Variants in POLQ observed in about 807,000 individuals in gnomAD.
POLQ encodes the protein epididymis secretory sperm binding protein.
In POLQ, 233 loss-of-function variants were observed where a neutral mutation model predicts 259.2. That is an observed-to-expected ratio of 0.90 (90% CI 0.81 to 1.00). POLQ has a LOEUF of 1.00. Ranked by LOEUF, POLQ falls within the 50% of genes least tolerant of loss-of-function variation. POLQ has a pLI of 0.00. For missense variants in POLQ, 2,871 were observed against 3,051.6 expected, an observed-to-expected ratio of 0.94 and a Z score of 1.39; for synonymous variants, 1,025 against 1,048.8, an observed-to-expected ratio of 0.98 and a Z score of 0.44.
intron 25 of POLQ, among the ~76,000 whole-genome samples, chr3:121,459,163 G>A (rs924536920): frequency 2.6e-5 from 4 of 152,160 alleles, no homozygotes; most frequent in African/African-American, 9.7e-5. Flanking sequence ...TACAAAGGCA[G>A]CATGAAGTTT....
chr3:121,511,831 A>C, intron 10 of POLQ, 56 bp downstream of exon 10: 1 of 1,320,284 alleles, frequency 7.6e-7, no homozygotes, highest in Non-Finnish European at 1.1e-6. Flanking sequence ...ATATACTAAC[A>C]TTTTACTAAT....
At chr3:121,445,305 T>G (rs1319682655) in intron 26 of POLQ, among the ~76,000 whole-genome samples, 1 of 152,172 alleles carries the variant, frequency 6.6e-6, no homozygotes, top group Non-Finnish European at 1.5e-5. Context: ...CTGTTCAGGT[T>G]TTTTTGTTCT....
rs775548536 is a variant in POLQ at position 121,433,069 on chromosome 3, G to A, written c.7544-36C>T. 1.0e-5 allele frequency: 11 copies of A among 1,090,890 alleles called. No homozygotes were observed. The South Asian group carries it at 1.1e-4, about 11-fold the overall frequency. 67.6% of individuals were successfully genotyped at this position (1,090,890 alleles called of 1,614,324 possible). On this transcript the variant is annotated intron_variant, in intron 28 of 29. Coordinates refer to ENST00000264233, the MANE Select transcript of POLQ (RefSeq NM_199420.4). Reference sequence around the variant, plus strand: ...AAAAAGGAGCAAAACTGATCAGCATGTCGCTAAGTCATAGGAGAATGTTTT... The same window carrying A: ...AAAAAGGAGCAAAACTGATCAGCATATCGCTAAGTCATAGGAGAATGTTTT...
intron 21 of POLQ, 120 bp downstream of exon 21, chr3:121,473,230 A>G: frequency 1.1e-6 from 1 of 904,322 alleles, no homozygotes; most frequent in Non-Finnish European, 1.6e-6. Context: ...GTGTTAATTT[A>G]TATCTGGGTA....
intron 25 of POLQ, among the ~76,000 whole-genome samples, chr3:121,453,232 C>A (rs2047696020): frequency 6.6e-6 from 1 of 152,216 alleles, no homozygotes; most frequent in South Asian, 2.1e-4. Context: ...CACCAAAAAC[C>A]CATCTGTACA....
intron 26 of POLQ, among the ~76,000 whole-genome samples, chr3:121,447,586 C>G (rs1034430510): frequency 6.6e-6 from 1 of 152,108 alleles, no homozygotes; most frequent in Non-Finnish European, 1.5e-5. Context: ...GTTTATATAT[C>G]ACAATTGCAA....
At chr3:121,511,226 C>CAAAA (rs34066876) in intron 10 of POLQ, among the ~76,000 whole-genome samples, 4 of 74,934 alleles carry the variant, frequency 5.3e-5, no homozygotes, top group Non-Finnish European at 7.2e-5. Context: ...ACTCCGTCTC[C>CAAAA]AAAAAAAAAA....
intron 7 of POLQ, among the ~76,000 whole-genome samples, chr3:121,522,988 CCT>C (rs1297768108): frequency 1.3e-5 from 2 of 152,030 alleles, no homozygotes; most frequent in East Asian, 3.9e-4. Context: ...TAAATAGTAC[CCT>C]CTGTTTTTTG....
Position 121,490,387 on chromosome 3 carries a change from C to T in POLQ, c.2544G>A (p.Glu848=). 6.2e-7 allele frequency: 1 copy of T among 1,614,164 alleles called. No individual in the cohort carries two copies. The highest frequency in any genetic ancestry group is 8.5e-7 in the Non-Finnish European group (1 of 1,179,984). Residue 848 remains glutamate, a synonymous_variant, in exon 16 of 30, where the codon GAG becomes GAA. Coordinates refer to ENST00000264233, the MANE Select transcript of POLQ (RefSeq NM_199420.4). ...PFKSARKAVD[E]EEEAVEERRN... ...GACGTTCTTCAACTGCTTCCTCTTC[C>T]TCATCCACTGCCTTCCGGGCACTAC...
intron 17 of POLQ, 73 bp downstream of exon 17, chr3:121,484,968 A>G: frequency 8.7e-7 from 1 of 1,146,576 alleles, no homozygotes; most frequent in Non-Finnish European, 1.2e-6. Context: ...AATTATTCTC[A>G]AAATATAAGA....
At chr3:121,469,529 C>T (rs2047866480) in intron 22 of POLQ, among the ~76,000 whole-genome samples, 1 of 152,180 alleles carries the variant, frequency 6.6e-6, no homozygotes, top group Non-Finnish European at 1.5e-5. Flanking sequence ...AATAAGTGCT[C>T]AGTTAATGAT....
chr3:121,535,631 G>A (rs1293971050), intron 5 of POLQ, among the ~76,000 whole-genome samples: 1 of 148,796 alleles, frequency 6.7e-6, no homozygotes. Context: ...CAGGAGAATC[G>A]CTTGAACCTG....
intron 21 of POLQ, 57 bp from the exon 22 acceptor site, chr3:121,472,221 G>T: frequency 1.2e-6 from 1 of 807,644 alleles, no homozygotes; most frequent in Non-Finnish European, 1.9e-6. Flanking sequence ...CAGCAAGCTA[G>T]AATCTCTTTT....
intron 24 of POLQ, among the ~76,000 whole-genome samples, chr3:121,463,118 T>C (rs1048461931): frequency 6.6e-6 from 1 of 152,178 alleles, no homozygotes; most frequent in Non-Finnish European, 1.5e-5. Context: ...TATGTCTCCA[T>C]CCAAACCTCA....
At chr3:121,485,733 AC>A (rs1161365250) in intron 16 of POLQ, among the ~76,000 whole-genome samples, 1 of 152,148 alleles carries the variant, frequency 6.6e-6, no homozygotes. Context: ...ATTTAGGTGA[AC>A]TTTTTTATCC....
Position 121,449,307 on chromosome 3 carries a change from T to C in POLQ, c.7264+8A>G, listed in dbSNP as rs767014906. 1 of 1,301,056 alleles carries C rather than the reference T, an allele frequency of 7.7e-7. No homozygotes were observed. The highest frequency in any genetic ancestry group is 1.1e-6 in the Non-Finnish European group (1 of 895,808). The allele number at this position is 1,301,056 out of a possible 1,614,324, so 80.6% of individuals were successfully genotyped here. A position where few individuals can be genotyped will look rare whatever the true frequency, so the allele number is the denominator to read the frequency against. ...GTTGAAAAGAATACTATCTAGAAGATAAATTACCTGTGTATCTGGATTTGA... is the reference window on the plus strand; with the variant it reads ...GTTGAAAAGAATACTATCTAGAAGACAAATTACCTGTGTATCTGGATTTGA... On this transcript the variant is annotated splice_region_variant and intron_variant, in intron 26 of 29. Coordinates refer to ENST00000264233, the MANE Select transcript of POLQ (RefSeq NM_199420.4).
Position 121,465,945 on chromosome 3 carries a change from C to G in POLQ, c.6967+1574G>C, listed in dbSNP as rs576224789. Among the ~76,000 whole-genome samples, 3 of 152,248 alleles carry G rather than the reference C, an allele frequency of 2.0e-5. No homozygotes were observed. In the South Asian group the frequency reaches 6.2e-4, roughly 32 times the overall value. On this transcript the variant is annotated intron_variant, in intron 24 of 29. Transcript: ENST00000264233. ...AACCAAAAAGCTAGAAACGATTAAG[C>G]TTATGAGGAAGGCATGTCAAAAGCT...
At chr3:121,508,454 A>T (rs1015433794) in intron 12 of POLQ, among the ~76,000 whole-genome samples, 1 of 152,236 alleles carries the variant, frequency 6.6e-6, no homozygotes, top group African/African-American at 2.4e-5. Context: ...GAATCGTAAG[A>T]GAGGTTAAAT....
intron 19 of POLQ, among the ~76,000 whole-genome samples, chr3:121,479,008 A>T (rs2047949572): frequency 6.6e-6 from 1 of 152,204 alleles, no homozygotes; most frequent in Non-Finnish European, 1.5e-5. Context: ...CATTTACACA[A>T]CAGCTCAGGT....
Sources: allele counts gnomAD v4.1 joint callset (sites outside exome capture counted in the v4.1 genomes callset), GRCh38; gene constraint gnomAD v4.1.1; transcripts MANE v1.5; gene names NCBI Gene and HGNC (gene_info 2026-07-23, HGNC 2026-07-21).